The following RARB variants were observed in gnomAD, a reference collection of about 807,000 sequenced individuals.
RARB encodes retinoic acid receptor beta, also known as HBV-activated protein.
A neutral mutation model predicts 51.9 loss-of-function variants in RARB; 17 were observed. That is an observed-to-expected ratio of 0.33 (90% CI 0.22 to 0.49). The LOEUF (loss-of-function observed/expected upper bound fraction) is 0.49, where lower values mean the gene tolerates loss of function less well. Among genes scored for constraint, RARB ranks in the 20% least tolerant of loss-of-function variants. The pLI, the probability that RARB is intolerant of heterozygous loss-of-function variation, is 0.99. For missense variants in RARB, 369 were observed against 550.8 expected, an observed-to-expected ratio of 0.67 and a Z score of 3.30; for synonymous variants, 215 against 195.4, an observed-to-expected ratio of 1.10 and a Z score of -0.84.
intron 2 of RARB, among the ~76,000 whole-genome samples, chr3:24,958,086 G>C (rs1031076639): frequency 3.3e-5 from 5 of 151,936 alleles, no homozygotes; most frequent in African/African-American, 1.2e-4. Context: ...TGTGAACCCA[G>C]ACAAGCCAGG....
intron 5 of RARB, among the ~76,000 whole-genome samples, chr3:25,190,069 C>A (rs1010032171): frequency 6.6e-6 from 1 of 151,796 alleles, no homozygotes. Flanking sequence ...CAGTTTGGGT[C>A]AATTTATCGA....
intron 5 of RARB, among the ~76,000 whole-genome samples, chr3:25,304,370 C>T (rs1455692701): frequency 6.6e-6 from 1 of 152,202 alleles, no homozygotes. Context: ...CCTCCACTTG[C>T]TGATGATCCC....
intron 3 of RARB, among the ~76,000 whole-genome samples, chr3:25,502,767 G>A (rs1027547175): frequency 6.6e-6 from 1 of 152,158 alleles, no homozygotes; most frequent in African/African-American, 2.4e-5. Context: ...GTAGCCACAA[G>A]TACCCCTGGT....
intron 2 of RARB, chr3:25,020,092 T>G (rs1358611031): frequency 6.7e-6 from 1 of 150,174 alleles, no homozygotes. Context: ...TACAGATGTA[T>G]ACTCAAGTTC....
chr3:25,184,553 A>G (rs764118573), intron 5 of RARB, among the ~76,000 whole-genome samples: 1 of 152,122 alleles, frequency 6.6e-6, no homozygotes, highest in Non-Finnish European at 1.5e-5. Flanking sequence ...TAGGAAGTTG[A>G]AAATGGAGTG....
At chr3:24,942,958 A>G (rs1404386664) in intron 2 of RARB, among the ~76,000 whole-genome samples, 1 of 152,212 alleles carries the variant, frequency 6.6e-6, no homozygotes, top group African/African-American at 2.4e-5. Flanking sequence ...GATTTGGGCT[A>G]TCTAAAGTTT....
intron 3 of RARB, among the ~76,000 whole-genome samples, chr3:25,088,086 G>T (rs184366236): frequency 6.6e-6 from 1 of 151,960 alleles, no homozygotes; most frequent in Non-Finnish European, 1.5e-5. Flanking sequence ...AAATTGGGGC[G>T]GAGGGAGATA....
At chr3:24,894,620 T>A (rs940002755) in intron 2 of RARB, among the ~76,000 whole-genome samples, 1 of 152,194 alleles carries the variant, frequency 6.6e-6, no homozygotes, top group Non-Finnish European at 1.5e-5. Flanking sequence ...TTCTTTTGAA[T>A]ATATACTCAG....
At chr3:25,050,571 C>T (rs889112501) in intron 2 of RARB, among the ~76,000 whole-genome samples, 1 of 152,326 alleles carries the variant, frequency 6.6e-6, no homozygotes, top group African/African-American at 2.4e-5. Context: ...TTTTCCACCA[C>T]TGATTCCTTC....
At chr3:24,991,623 A>G (rs961855540) in intron 2 of RARB, among the ~76,000 whole-genome samples, 6 of 152,080 alleles carry the variant, frequency 3.9e-5, no homozygotes, top group African/African-American at 1.2e-4. Flanking sequence ...AAGATTTTAT[A>G]TTTCACAACA....
rs529108314 is a variant in RARB at position 25,449,077 on chromosome 3, C to T, written c.158-12116C>T. Among the ~76,000 whole-genome samples the T allele has an allele frequency of 4.7e-4, 72 of 152,152 alleles. 2 individuals are homozygous for T. The South Asian group carries it at 0.015, about 31-fold the overall frequency. ...CTTCAGGTGAGGGAAGGAGAACCTG[C>T]GTAGGGGCTGGGGGCTCAGAGTCCT... is the stretch of plus-strand genomic sequence containing the variant. On this transcript the variant is annotated intron_variant, in intron 1 of 7. Coordinates refer to ENST00000330688, the MANE Select transcript of RARB (RefSeq NM_000965.5).
intron 3 of RARB, among the ~76,000 whole-genome samples, chr3:25,127,276 C>T (rs1410287247): frequency 6.6e-6 from 1 of 152,170 alleles, no homozygotes; most frequent in Non-Finnish European, 1.5e-5. Flanking sequence ...CTCACCTCTT[C>T]CCAGGACCTG....
At chr3:25,399,509 C>G (rs1707208111) in intron 5 of RARB, among the ~76,000 whole-genome samples, 1 of 152,022 alleles carries the variant, frequency 6.6e-6, no homozygotes, top group African/African-American at 2.4e-5. Flanking sequence ...CTTCTTCCTG[C>G]CTGAAATACA....
chr3:25,428,673 C>T lies in RARB; in HGVS notation c.-59C>T. The T allele has an allele frequency of 6.5e-7, 1 of 1,546,500 alleles. No homozygotes were observed. The highest frequency in any genetic ancestry group is 8.8e-7 in the Non-Finnish European group (1 of 1,135,698). On this transcript the variant is annotated 5_prime_UTR_variant, in exon 1 of 8. Coordinates refer to ENST00000330688, the MANE Select transcript of RARB (RefSeq NM_000965.5). ...TGGAGTTGGGTGGACTTTTCTATGC[C>T]ATTTGCCTCCACACCTAGAGGATAA...
intron 5 of RARB, among the ~76,000 whole-genome samples, chr3:25,378,824 G>A (rs1333776661): frequency 6.6e-6 from 1 of 152,170 alleles, no homozygotes; most frequent in Non-Finnish European, 1.5e-5. Flanking sequence ...GGTTTCTTAT[G>A]AGGTAGTATT....
chr3:24,864,196 C>A (rs975571338), intron 2 of RARB, among the ~76,000 whole-genome samples: 61 of 152,296 alleles, frequency 4.0e-4, no homozygotes, highest in African/African-American at 1.4e-3. Context: ...GGCATGATGG[C>A]ATTCAAGTTG....
intron 2 of RARB, among the ~76,000 whole-genome samples, chr3:25,494,864 G>A (rs1346234360): frequency 6.6e-6 from 1 of 152,194 alleles, no homozygotes. Context: ...ACTGAGGAAA[G>A]AAGTTTTGTC....
chr3:24,988,948 C>T (rs1402518797), intron 2 of RARB, among the ~76,000 whole-genome samples: 1 of 152,148 alleles, frequency 6.6e-6, no homozygotes, highest in Non-Finnish European at 1.5e-5. Flanking sequence ...GCCTCAGCTT[C>T]CTGAGTAGCT....
At chr3:25,113,776 T>A (rs1394380413) in intron 3 of RARB, among the ~76,000 whole-genome samples, 1 of 152,092 alleles carries the variant, frequency 6.6e-6, no homozygotes, top group African/African-American at 2.4e-5. Flanking sequence ...TCCAGAAAGT[T>A]CCCTGGCAAC....
Sources: allele counts gnomAD v4.1 joint callset (sites outside exome capture counted in the v4.1 genomes callset), GRCh38; gene constraint gnomAD v4.1.1; transcripts MANE v1.5; gene names NCBI Gene and HGNC (gene_info 2026-07-23, HGNC 2026-07-21).